The following CDH18 variants were observed in gnomAD, a reference collection of about 807,000 sequenced individuals.
CDH18 encodes cadherin 18.
In CDH18, 31 loss-of-function variants were observed where a neutral mutation model predicts 67.9. The observed-to-expected ratio is 0.46, with a 90% CI of 0.34 to 0.62. The LOEUF (loss-of-function observed/expected upper bound fraction) is 0.62, where lower values mean the gene tolerates loss of function less well. CDH18 is among the 20% of genes least tolerant of loss of function. The pLI is 0.01. For missense variants in CDH18, 890 were observed against 975.5 expected (o/e 0.91, Z 1.17); for synonymous variants, 362 against 347.2 (o/e 1.04, Z -0.48).
intron 1 of CDH18, among the ~76,000 whole-genome samples, chr5:20,503,159 T>C (rs955317791): frequency 6.7e-6 from 1 of 149,722 alleles, no homozygotes; most frequent in Non-Finnish European, 1.5e-5. Flanking sequence ...AGTTTCATAA[T>C]ATCTATAATC....
chr5:19,925,099 G>T (rs1792942312), intron 2 of CDH18, among the ~76,000 whole-genome samples: 1 of 152,050 alleles, frequency 6.6e-6, no homozygotes, highest in African/African-American at 2.4e-5. Flanking sequence ...TTGCAATAAA[G>T]CTAGCTAAGA....
intron 2 of CDH18, among the ~76,000 whole-genome samples, chr5:20,029,162 C>T (rs1739170569): frequency 6.6e-6 from 1 of 152,072 alleles, no homozygotes; most frequent in African/African-American, 2.4e-5. Context: ...TTAAACATCT[C>T]AATTGTTCCT....
At chr5:19,780,925 C>T (rs1040189417) in intron 3 of CDH18, among the ~76,000 whole-genome samples, 4 of 151,954 alleles carry the variant, frequency 2.6e-5, no homozygotes, top group Non-Finnish European at 4.4e-5. Context: ...CACAGGTGAT[C>T]AAATAAGGCC....
intron 1 of CDH18, among the ~76,000 whole-genome samples, chr5:20,487,876 A>T (rs1291411774): frequency 6.6e-6 from 1 of 152,034 alleles, no homozygotes; most frequent in Non-Finnish European, 1.5e-5. Context: ...TAAATTAGCC[A>T]TGTTTAATTT....
In CDH18 at chr5:19,724,512, T is replaced by TACAC. The variant is rs34923644; in HGVS notation, c.524-3050_524-3047dup. ...CTGAGCACACTCGTACACACAGACA[T>TACAC]ACACACACACACACACACACACACA... On this transcript the variant is annotated intron_variant, in intron 4 of 12. Coordinates refer to ENST00000382275, the MANE Select transcript of CDH18 (RefSeq NM_004934.5). Among the ~76,000 whole-genome samples, 1,152 of 148,878 alleles carry TACAC rather than the reference T, an allele frequency of 7.7e-3. 10 individuals are homozygous for TACAC. Among genetic ancestry groups the TACAC allele is most frequent in the African/African-American group, 0.027 (1,086 of 40,014 alleles).
intron 11 of CDH18, among the ~76,000 whole-genome samples, chr5:19,497,021 A>G (rs1203923667): frequency 6.6e-6 from 1 of 152,086 alleles, no homozygotes; most frequent in Admixed American, 6.6e-5. Flanking sequence ...AGTCTCAGGT[A>G]TTCCACTATA....
intron 10 of CDH18, among the ~76,000 whole-genome samples, chr5:19,516,812 C>T (rs1477604370): frequency 6.6e-6 from 1 of 151,950 alleles, no homozygotes; most frequent in Admixed American, 6.6e-5. Context: ...CTCCTGGATT[C>T]ATTGATTTTT....
At chr5:19,567,312 A>T (rs764662568) in intron 8 of CDH18, among the ~76,000 whole-genome samples, 1 of 152,188 alleles carries the variant, frequency 6.6e-6, no homozygotes, top group Non-Finnish European at 1.5e-5. Context: ...AGTCTTACTA[A>T]TAATTTATAA....
At chr5:19,541,592 A>C (rs1750287438) in intron 9 of CDH18, among the ~76,000 whole-genome samples, 1 of 152,210 alleles carries the variant, frequency 6.6e-6, no homozygotes. Flanking sequence ...ACAATCATGA[A>C]AGAAGGCAAA....
chr5:19,993,380 AT>A (rs1465915393), intron 2 of CDH18, among the ~76,000 whole-genome samples: 1 of 152,136 alleles, frequency 6.6e-6, no homozygotes, highest in Non-Finnish European at 1.5e-5. Flanking sequence ...ATGTGGTGCT[AT>A]TACTATCTCT....
intron 2 of CDH18, chr5:19,878,052 G>A (rs1346552307): frequency 6.6e-6 from 1 of 152,094 alleles, no homozygotes; most frequent in African/African-American, 2.4e-5. Context: ...GAAGGTAGTT[G>A]TAGAACCAAG....
At chr5:19,772,977 G>A (rs964370204) in intron 3 of CDH18, among the ~76,000 whole-genome samples, 1 of 152,038 alleles carries the variant, frequency 6.6e-6, no homozygotes, top group Non-Finnish European at 1.5e-5. Flanking sequence ...CAATAATTAA[G>A]AGCTGGTGAA....
intron 1 of CDH18, among the ~76,000 whole-genome samples, chr5:20,355,261 C>A (rs2150063385): frequency 6.6e-6 from 1 of 152,320 alleles, no homozygotes; most frequent in East Asian, 1.9e-4. Context: ...GCTCTCCCTA[C>A]AACATGCCTC....
intron 5 of CDH18, among the ~76,000 whole-genome samples, chr5:19,670,420 T>C (rs1057400946): frequency 4.6e-5 from 7 of 152,100 alleles, no homozygotes; most frequent in Non-Finnish European, 1.0e-4. Context: ...CGGCAAATAA[T>C]GGAAGCCAAA....
chr5:20,090,879 A>G (rs1164200418), intron 2 of CDH18, among the ~76,000 whole-genome samples: 2 of 151,630 alleles, frequency 1.3e-5, no homozygotes, highest in Non-Finnish European at 2.9e-5. Context: ...AAATATATAT[A>G]TAAAATATAA....
intron 3 of CDH18, among the ~76,000 whole-genome samples, chr5:19,827,553 G>A (rs1185294888): frequency 2.0e-5 from 3 of 151,958 alleles, no homozygotes; most frequent in Non-Finnish European, 4.4e-5. Flanking sequence ...TTGGACCATT[G>A]CACAATAAAA....
chr5:20,278,048 A>G (rs1274570465), intron 1 of CDH18, among the ~76,000 whole-genome samples: 1 of 152,150 alleles, frequency 6.6e-6, no homozygotes, highest in African/African-American at 2.4e-5. Flanking sequence ...GGAAAATCTA[A>G]TAGTTATTGG....
intron 3 of CDH18, among the ~76,000 whole-genome samples, chr5:19,750,065 T>G (rs894842888): frequency 1.3e-5 from 2 of 152,086 alleles, no homozygotes; most frequent in East Asian, 1.9e-4. Context: ...GATGATCATT[T>G]TATTAATGAA....
At chr5:20,282,805 A>G (rs1369419141) in intron 1 of CDH18, among the ~76,000 whole-genome samples, 1 of 152,180 alleles carries the variant, frequency 6.6e-6, no homozygotes, top group Non-Finnish European at 1.5e-5. Flanking sequence ...TATGAAACAC[A>G]AAAGACCAAA....
Sources: gnomAD v4.1 joint callset for allele counts (sites outside exome capture counted in the v4.1 genomes callset) on GRCh38, gnomAD v4.1.1 for gene constraint, MANE v1.5 for transcripts, NCBI Gene and HGNC (gene_info 2026-07-23, HGNC 2026-07-21) for gene names.